RAD54L2: variants seen among roughly 807,000 people sequenced by gnomAD.
RAD54L2 encodes RAD54 like 2.
RAD54L2 carries 27 observed loss-of-function variants against 138.4 expected under a neutral mutation model. That is an observed-to-expected ratio of 0.20 (90% CI 0.14 to 0.27). RAD54L2 has a LOEUF of 0.27. Among genes scored for constraint, RAD54L2 ranks in the 10% least tolerant of loss-of-function variants. The probability of loss-of-function intolerance (pLI) is 1.00; values close to 1 mark genes in which losing one functional copy is unlikely to be tolerated. For synonymous variants in RAD54L2, 644 were observed against 723.2 expected (o/e 0.89, Z 1.76); for missense variants, 1,396 against 1,890.2 (o/e 0.74, Z 4.85).
intron 9 of RAD54L2, among the ~76,000 whole-genome samples, chr3:51,635,320 T>G (rs1217719174): frequency 6.6e-6 from 1 of 152,230 alleles, no homozygotes; most frequent in African/African-American, 2.4e-5. Flanking sequence ...TTCTCTTGCC[T>G]TATGTAGTTG....
intron 3 of RAD54L2, among the ~76,000 whole-genome samples, 189 bp downstream of exon 3, chr3:51,590,748 A>G (rs1699822335): frequency 6.6e-6 from 1 of 152,202 alleles, no homozygotes; most frequent in Non-Finnish European, 1.5e-5. Context: ...CCTCCACATA[A>G]GCTTTGTTTT....
chr3:51,639,323 C>T (rs918669445), intron 12 of RAD54L2, 96 bp from the exon 13 acceptor site: 14 of 1,405,726 alleles, frequency 1.0e-5, no homozygotes, highest in South Asian at 1.3e-5. Flanking sequence ...TATTGTGGGA[C>T]GTGTGTGTTT....
chr3:51,619,017 T>C (rs1386921655), intron 3 of RAD54L2, among the ~76,000 whole-genome samples: 1 of 152,120 alleles, frequency 6.6e-6, no homozygotes, highest in Admixed American at 6.5e-5. Context: ...AGGAGGCCTC[T>C]TGTCTGTTGG....
Position 51,664,939 on chromosome 3 carries a change from T to G in RAD54L2, c.*1519T>G, listed in dbSNP as rs1207369750. The G allele has an allele frequency of 6.6e-6, 1 of 152,186 alleles. No homozygotes were observed. The highest frequency in any genetic ancestry group is 2.4e-5 in the African/African-American group (1 of 41,406). 9.4% of individuals were successfully genotyped at this position (152,186 alleles called of 1,614,324 possible). ...GTTGCTGGGTTGAGGGACTGTTGAT[T>G]TCATGTTCGAAAATATCTTCAGGTG... On this transcript the variant is annotated 3_prime_UTR_variant, in exon 23 of 23. Transcript: ENST00000684192.
chr3:51,657,298 T>C (rs551401813), intron 20 of RAD54L2, among the ~76,000 whole-genome samples: 1 of 152,324 alleles, frequency 6.6e-6, no homozygotes, highest in African/African-American at 2.4e-5. Flanking sequence ...TAAAACATTT[T>C]TCACACCAAA....
rs192629904 is a variant in RAD54L2 at position 51,667,536 on chromosome 3, G to C, written c.*4116G>C. ...GGCCTTCTGTGCACCCAGCTCAGTGGCTCTTCACCCCTAAAACTAAGTGAA... is the reference window on the plus strand; with the variant it reads ...GGCCTTCTGTGCACCCAGCTCAGTGCCTCTTCACCCCTAAAACTAAGTGAA... On this transcript the variant is annotated 3_prime_UTR_variant, in exon 23 of 23. Coordinates refer to ENST00000684192, the MANE Select transcript of RAD54L2 (RefSeq NM_015106.4). The C allele has an allele frequency of 6.6e-6, 1 of 152,170 alleles. No homozygotes were observed. Among genetic ancestry groups the C allele is most frequent in the Admixed American group, 6.5e-5 (1 of 15,280 alleles). The allele number at this position is 152,170 out of a possible 1,614,324, so 9.4% of individuals were successfully genotyped here.
chr3:51,613,423 A>G (rs1278841485), intron 3 of RAD54L2, among the ~76,000 whole-genome samples: 1 of 152,202 alleles, frequency 6.6e-6, no homozygotes, highest in Non-Finnish European at 1.5e-5. Flanking sequence ...GATGCTGAGC[A>G]GAGTCAAAAT....
chr3:51,592,651 T>A (rs983780894), intron 3 of RAD54L2, among the ~76,000 whole-genome samples: 3 of 151,742 alleles, frequency 2.0e-5, no homozygotes, highest in African/African-American at 7.3e-5. Flanking sequence ...CTCGGCTCAC[T>A]GCAACCTCCG....
intron 3 of RAD54L2, among the ~76,000 whole-genome samples, chr3:51,592,641 C>T (rs369355070): frequency 6.6e-6 from 1 of 150,870 alleles, no homozygotes; most frequent in East Asian, 2.0e-4. Flanking sequence ...ATGGCGCGAT[C>T]TCGGCTCACT....
intron 2 of RAD54L2, among the ~76,000 whole-genome samples, chr3:51,578,437 G>A (rs1161652849): frequency 2.0e-5 from 3 of 152,208 alleles, no homozygotes; most frequent in Non-Finnish European, 4.4e-5. Context: ...AAGGGGGTAT[G>A]TTGGCCAAGG....
At chr3:51,634,118 G>C in intron 9 of RAD54L2, 83 bp downstream of exon 9, 1 of 1,466,948 alleles carries the variant, frequency 6.8e-7, no homozygotes, top group African/African-American at 1.4e-5. Flanking sequence ...CTCTTTGAGT[G>C]TGTAGCCTGT....
At chr3:51,641,159 T>C (rs1408911270) in intron 14 of RAD54L2, among the ~76,000 whole-genome samples, 1 of 151,858 alleles carries the variant, frequency 6.6e-6, no homozygotes. Flanking sequence ...CGTGCCACCA[T>C]GCCAGGCTAA....
intron 2 of RAD54L2, among the ~76,000 whole-genome samples, chr3:51,561,437 G>T (rs1699095350): frequency 6.6e-6 from 1 of 152,078 alleles, no homozygotes; most frequent in Non-Finnish European, 1.5e-5. Context: ...GTAGAGACGG[G>T]TTTCACCATG....
intron 2 of RAD54L2, among the ~76,000 whole-genome samples, chr3:51,576,827 G>A (rs559918377): frequency 2.6e-5 from 4 of 151,706 alleles, no homozygotes; most frequent in Admixed American, 2.0e-4. Context: ...TTTTTTGAAG[G>A]GTTTTTTGTG....
At chr3:51,597,727 C>T (rs1699994419) in intron 3 of RAD54L2, among the ~76,000 whole-genome samples, 1 of 151,950 alleles carries the variant, frequency 6.6e-6, no homozygotes, top group Non-Finnish European at 1.5e-5. Context: ...ACTTGGGAGG[C>T]TGAAGAACGA....
chr3:51,568,410 A>G (rs925279137), intron 2 of RAD54L2, among the ~76,000 whole-genome samples: 1 of 152,122 alleles, frequency 6.6e-6, no homozygotes, highest in African/African-American at 2.4e-5. Flanking sequence ...ATGTTTAATA[A>G]CTACTTGTTG....
At chr3:51,650,203 T>C (rs1281272082) in intron 19 of RAD54L2, among the ~76,000 whole-genome samples, 1 of 151,942 alleles carries the variant, frequency 6.6e-6, no homozygotes, top group Non-Finnish European at 1.5e-5. Context: ...CATTAGACAA[T>C]GGTAAAGGAA....
chr3:51,656,212 T>C (rs1701596668), intron 20 of RAD54L2, 42 bp downstream of exon 20: 1 of 1,491,284 alleles, frequency 6.7e-7, no homozygotes, highest in Non-Finnish European at 9.1e-7. Flanking sequence ...CTGTCCCTTT[T>C]AAAATTACTT....
chr3:51,587,338 G>A (rs1360392264), intron 2 of RAD54L2, among the ~76,000 whole-genome samples: 4 of 151,930 alleles, frequency 2.6e-5, no homozygotes, highest in South Asian at 2.1e-4. Context: ...TCCTGACCTC[G>A]TGATCCGCCT....
Sources: allele counts gnomAD v4.1 joint callset (sites outside exome capture counted in the v4.1 genomes callset), GRCh38; gene constraint gnomAD v4.1.1; transcripts MANE v1.5; gene names NCBI Gene and HGNC (gene_info 2026-07-23, HGNC 2026-07-21).